Variants in CMTR1 observed in about 807,000 individuals in gnomAD.
The protein encoded by CMTR1 is cap-specific mRNA (nucleoside-2'-O-)-methyltransferase 1.
Under a neutral mutation model 107.0 loss-of-function variants are expected in CMTR1, and 39 were observed. The ratio of observed to expected loss-of-function variants is 0.36; its 90% CI spans 0.28 to 0.48. The LOEUF is 0.48. CMTR1 is among the 20% of genes least tolerant of loss of function. CMTR1 has a pLI of 0.99. For missense variants in CMTR1, 672 were observed against 1,064.9 expected, an observed-to-expected ratio of 0.63 and a Z score of 5.14; for synonymous variants, 366 against 379.5, an observed-to-expected ratio of 0.96 and a Z score of 0.41.
chr6:37,469,789 A>G (rs1272519147), intron 13 of CMTR1, among the ~76,000 whole-genome samples: 1 of 151,494 alleles, frequency 6.6e-6, no homozygotes, highest in Non-Finnish European at 1.5e-5. Flanking sequence ...TAACTTTCCA[A>G]AGTGCTGGGA....
At chr6:37,464,544 G>A (rs993485418) in intron 13 of CMTR1, among the ~76,000 whole-genome samples, 3 of 151,698 alleles carry the variant, frequency 2.0e-5, no homozygotes, top group Non-Finnish European at 4.4e-5. Flanking sequence ...CAGCCCCAAA[G>A]TAACCCCTCT....
chr6:37,458,344 C>A lies in CMTR1; in HGVS notation c.778-268C>A, dbSNP rs1039927675. The stretch of plus-strand genomic sequence containing the variant: ...TGCTGGGATTACAGGCTTGAGCCAC[C>A]GCGCCTGGCTCCATGAAGATGTTTT... On this transcript the variant is annotated intron_variant, in intron 8 of 23. Transcript: ENST00000373451. This position sits in a 1 kb window ranked among gnomAD's most constrained non-coding sequence, Gnocchi z 4.7. 6.6e-6 allele frequency among the ~76,000 whole-genome samples: 1 copy of A among 152,118 alleles called. No individual in the cohort carries two copies. Among genetic ancestry groups the A allele is most frequent in the Non-Finnish European group, 1.5e-5 (1 of 68,020 alleles).
rs753797840 is a variant in CMTR1 at position 37,453,090 on chromosome 6, G to A, written c.653G>A (p.Arg218Gln). ...GATGGGGAAGAGATGCGGCGAGCTC[G>A]GACTCGGGCCAATCCCTATGAGATG... ...VLDGEEMRRA[R>Q]TRANPYEMIR... Residue 218 changes from arginine to glutamine, a missense_variant, in exon 7 of 24, where the codon CGG becomes CAG. By Grantham distance (43) the Arg-to-Gln change is conservative. Around this residue, in one of 2 missense-constraint regions of CMTR1, gnomAD observed 583 missense variants for 968.4 expected, o/e 0.60. Coordinates refer to ENST00000373451, the MANE Select transcript of CMTR1 (RefSeq NM_015050.3). 4 of 1,614,102 alleles carry A rather than the reference G, an allele frequency of 2.5e-6. No individual in the cohort carries two copies. The highest frequency in any genetic ancestry group is 1.1e-5 in the South Asian group (1 of 91,078).
At chr6:37,440,301 CTT>C (rs1771642449) in intron 2 of CMTR1, among the ~76,000 whole-genome samples, 1 of 152,168 alleles carries the variant, frequency 6.6e-6, no homozygotes, top group African/African-American at 2.4e-5. Context: ...CTTTATCGGT[CTT>C]GAGAAGCTAA....
In CMTR1 at chr6:37,458,070, G is replaced by A. The variant is rs1043731020; in HGVS notation, c.778-542G>A. Among the ~76,000 whole-genome samples the A allele has an allele frequency of 2.6e-5, 4 of 151,974 alleles. No individual in the cohort carries two copies. The highest frequency in any genetic ancestry group is 9.7e-5 in the African/African-American group (4 of 41,374). ...CCCATAAATGTTTTTTGTTGTTTTTGTTGAGACAGGGTCTCGGTCTGTCGC... is the reference window on the plus strand; with the variant it reads ...CCCATAAATGTTTTTTGTTGTTTTTATTGAGACAGGGTCTCGGTCTGTCGC... On this transcript the variant is annotated intron_variant, in intron 8 of 23. Transcript: ENST00000373451. This position sits in a 1 kb window ranked among gnomAD's most constrained non-coding sequence, Gnocchi z 4.7.
chr6:37,464,586 T>G (rs1168268361), intron 13 of CMTR1, among the ~76,000 whole-genome samples: 1 of 152,208 alleles, frequency 6.6e-6, no homozygotes, highest in Non-Finnish European at 1.5e-5. Flanking sequence ...TTAGTTTTAC[T>G]TTTGTATTTT....
rs898060222 is a variant in CMTR1, at chr6:37,447,988, A to G, written c.444+1539A>G. ...CACTTTGGGAGGCCAAGGCAGGTGG[A>G]TCTCAAGGTCAGGAGATCAAGACCA... On this transcript the variant is annotated intron_variant, in intron 4 of 23. Transcript: ENST00000373451. Among the ~76,000 whole-genome samples the G allele has an allele frequency of 2.6e-5, 4 of 152,044 alleles. No individual in the cohort carries two copies. The South Asian group carries it at 8.3e-4, about 32-fold the overall frequency.
At chr6:37,475,267 G>C in intron 18 of CMTR1, 54 bp from the exon 19 acceptor site, 5 of 1,410,040 alleles carry the variant, frequency 3.5e-6, no homozygotes, top group Non-Finnish European at 5.0e-6. Context: ...TGGGTAGTGG[G>C]GGCTGAAGGC....
Position 37,474,265 on chromosome 6 carries a change from G to A in CMTR1, c.1822-259G>A, listed in dbSNP as rs545409550. On this transcript the variant is annotated intron_variant, in intron 17 of 23. Coordinates refer to ENST00000373451, the MANE Select transcript of CMTR1 (RefSeq NM_015050.3). ...TCTTTTTTGAGGGCCACTAATTATGGACTTAGGTCTTTTGAGTGGTGCCCT... is the reference window on the plus strand; with the variant it reads ...TCTTTTTTGAGGGCCACTAATTATGAACTTAGGTCTTTTGAGTGGTGCCCT... 3.9e-5 allele frequency among the ~76,000 whole-genome samples: 6 copies of A among 152,286 alleles called. No homozygotes were observed. In the South Asian group the frequency reaches 1.2e-3, roughly 32 times the overall value.
chr6:37,468,693 G>C (rs374469645), intron 13 of CMTR1, among the ~76,000 whole-genome samples: 3 of 151,694 alleles, frequency 2.0e-5, no homozygotes, highest in African/African-American at 7.3e-5. Flanking sequence ...AGACCAGCCT[G>C]ACCAACATGG....
chr6:37,480,374 A>G lies in CMTR1; in HGVS notation c.*229A>G. ...ACCTGCCTGGGAACTTTCCCCTGCC[A>G]GGACTCAGCCTGAAGGAAGCTGCTC... On this transcript the variant is annotated 3_prime_UTR_variant, in exon 24 of 24. Transcript: ENST00000373451. 7.4e-7 allele frequency: 1 copy of G among 1,343,252 alleles called. No individual in the cohort carries two copies. The highest frequency in any genetic ancestry group is 9.5e-7 in the Non-Finnish European group (1 of 1,055,962). The allele number at this position is 1,343,252 out of a possible 1,614,324, so 83.2% of individuals were successfully genotyped here.
rs984295668 is a variant in CMTR1, at chr6:37,481,001, G to A, written c.*856G>A. On this transcript the variant is annotated 3_prime_UTR_variant, in exon 24 of 24. Transcript: ENST00000373451. ...GGGTACCTCCAGGGGTTTGGGTAGCGCTGCCCTCTGGCAGTCATGCACCGC... is the reference window on the plus strand; with the variant it reads ...GGGTACCTCCAGGGGTTTGGGTAGCACTGCCCTCTGGCAGTCATGCACCGC... 1.6e-4 allele frequency: 212 copies of A among 1,301,338 alleles called. No individual in the cohort carries two copies. Among genetic ancestry groups the A allele is most frequent in the South Asian group, 7.8e-4 (63 of 80,748 alleles). The allele number at this position is 1,301,338 out of a possible 1,614,324, so 80.6% of individuals were successfully genotyped here. A position where few individuals can be genotyped will look rare whatever the true frequency, so the allele number is the denominator to read the frequency against.
In CMTR1 at chr6:37,480,790, C is replaced by T; in HGVS notation, c.*645C>T. ...CAGGGTGGGAAGGAGGGAGTTTGGG[C>T]AAACTCTCATCCCTGATACCACATT... On this transcript the variant is annotated 3_prime_UTR_variant, in exon 24 of 24. Transcript: ENST00000373451. The T allele has an allele frequency of 1.8e-6, 2 of 1,101,502 alleles. No individual in the cohort carries two copies. Among genetic ancestry groups the T allele is most frequent in the Non-Finnish European group, 2.2e-6 (2 of 898,120 alleles). The allele number at this position is 1,101,502 out of a possible 1,614,324, so 68.2% of individuals were successfully genotyped here. A position where few individuals can be genotyped will look rare whatever the true frequency, so the allele number is the denominator to read the frequency against.
chr6:37,458,710 G>A lies in CMTR1; in HGVS notation c.876G>A (p.Lys292=). ...GFSEYVLWRK[K]WHAKGFGMTL... is the part of the protein sequence containing the mutation. ...CAGAGTATGTGCTGTGGAGGAAGAA[G>A]TGGCATGCAAAGGGCTTTGGAATGA... Residue 292 remains lysine, a synonymous_variant, in exon 9 of 24, where the codon AAG becomes AAA. Transcript: ENST00000373451. This position sits in a 1 kb window ranked among gnomAD's most constrained non-coding sequence, Gnocchi z 4.7. 1 of 1,614,156 alleles carries A rather than the reference G, an allele frequency of 6.2e-7. No individual in the cohort carries two copies. Among genetic ancestry groups the A allele is most frequent in the Non-Finnish European group, 8.5e-7 (1 of 1,180,038 alleles).
chr6:37,464,973 T>C (rs1761476398), intron 13 of CMTR1, among the ~76,000 whole-genome samples: 1 of 150,818 alleles, frequency 6.6e-6, no homozygotes, highest in South Asian at 2.1e-4. Context: ...AGTATACATA[T>C]AATATGTATA....
chr6:37,474,668 G>A (rs770513364), intron 18 of CMTR1, 22 bp downstream of exon 18: 2 of 1,612,362 alleles, frequency 1.2e-6, no homozygotes, highest in African/African-American at 1.3e-5. Context: ...TTCTGCTCAG[G>A]TGTTGGCCCT....
chr6:37,480,685 A>G lies in CMTR1; in HGVS notation c.*540A>G. On this transcript the variant is annotated 3_prime_UTR_variant, in exon 24 of 24. Coordinates refer to ENST00000373451, the MANE Select transcript of CMTR1 (RefSeq NM_015050.3). ...TTACTCTGTTTTGATGCCAAATTGG[A>G]GACCATTTTCTTGTCTCCTTCCCCC... 4.9e-6 allele frequency: 5 copies of G among 1,017,378 alleles called. No individual in the cohort carries two copies. Among genetic ancestry groups the G allele is most frequent in the Non-Finnish European group, 5.9e-6 (5 of 851,116 alleles). 63.0% of individuals were successfully genotyped at this position (1,017,378 alleles called of 1,614,324 possible). A position where few individuals can be genotyped will look rare whatever the true frequency, so the allele number is the denominator to read the frequency against.
At chr6:37,478,614 G>T (rs917203266) in intron 22 of CMTR1, 93 bp downstream of exon 22, 1 of 993,132 alleles carries the variant, frequency 1.0e-6, no homozygotes, top group African/African-American at 1.6e-5. Context: ...CAGAGCGAAG[G>T]GCTCCCAGCT....
intron 22 of CMTR1, 65 bp downstream of exon 22, chr6:37,478,586 TC>T: frequency 7.5e-7 from 1 of 1,326,628 alleles, no homozygotes; most frequent in Non-Finnish European, 1.1e-6. Context: ...AGGTGATGGG[TC>T]CAGACCCTAC....
Sources: gnomAD v4.1 joint callset for allele counts (sites outside exome capture counted in the v4.1 genomes callset) on GRCh38, gnomAD v4.1.1 for gene constraint, gnomAD v4.1.1 regional missense constraint, Gnocchi (gnomAD v3.1) non-coding constraint, MANE v1.5 for transcripts, NCBI Gene and HGNC (gene_info 2026-07-23, HGNC 2026-07-21) for gene names.